The following MTA3 variants were observed in gnomAD, a reference collection of about 807,000 sequenced individuals.
MTA3 encodes metastasis associated 1 family member 3.
MTA3 carries 34 observed loss-of-function variants against 83.5 expected under a neutral mutation model. The observed-to-expected ratio is 0.41, with a 90% CI of 0.31 to 0.54. The LOEUF (loss-of-function observed/expected upper bound fraction) is 0.54, where lower values mean the gene tolerates loss of function less well. MTA3 is among the 20% of genes least tolerant of loss of function. MTA3 has a pLI of 0.33. For synonymous variants in MTA3, 303 were observed against 252.7 expected, an observed-to-expected ratio of 1.20 and a Z score of -1.89; for missense variants, 761 against 726.4, an observed-to-expected ratio of 1.05 and a Z score of -0.55.
intron 3 of MTA3, among the ~76,000 whole-genome samples, chr2:42,608,061 C>G (rs1398923410): frequency 1.3e-5 from 2 of 152,110 alleles, no homozygotes; most frequent in Non-Finnish European, 2.9e-5. Flanking sequence ...TGATTTTTGT[C>G]TTTGGTTAGG....
intron 4 of MTA3, among the ~76,000 whole-genome samples, chr2:42,639,034 C>G (rs1687453230): frequency 6.6e-6 from 1 of 150,974 alleles, no homozygotes; most frequent in Non-Finnish European, 1.5e-5. Context: ...GATCCAACAG[C>G]AAGCTTTTCT....
At chr2:42,574,428 C>G in intron 2 of MTA3, among the ~76,000 whole-genome samples, 1 of 148,360 alleles carries the variant, frequency 6.7e-6, no homozygotes, top group Non-Finnish European at 1.5e-5. Flanking sequence ...GCCCGGCCTC[C>G]TTTTCTCAAA....
chr2:42,562,711 G>A (rs1243734447), intron 2 of MTA3, among the ~76,000 whole-genome samples: 1 of 152,234 alleles, frequency 6.6e-6, no homozygotes, highest in Non-Finnish European at 1.5e-5. Flanking sequence ...CCTGGGGCCA[G>A]GGTTTGGCTT....
At chr2:42,697,549 A>T (rs991221225) in intron 10 of MTA3, among the ~76,000 whole-genome samples, 1 of 152,198 alleles carries the variant, frequency 6.6e-6, no homozygotes, top group African/African-American at 2.4e-5. Flanking sequence ...TTATTTTTTT[A>T]AACCTATGCC....
At chr2:42,639,564 C>G (rs996100955) in intron 4 of MTA3, among the ~76,000 whole-genome samples, 19 of 152,168 alleles carry the variant, frequency 1.2e-4, no homozygotes, top group African/African-American at 4.3e-4. Context: ...TAAGTGCTGT[C>G]AGACCTCAAG....
chr2:42,590,609 T>TTTGC (rs1680855626), intron 3 of MTA3, among the ~76,000 whole-genome samples: 1 of 139,240 alleles, frequency 7.2e-6, no homozygotes, highest in Non-Finnish European at 1.5e-5. Flanking sequence ...TTTTTTCATG[T>TTTGC]TTGCTTTTTT....
intron 2 of MTA3, among the ~76,000 whole-genome samples, chr2:42,497,356 G>A (rs1175245529): frequency 6.6e-6 from 1 of 152,084 alleles, no homozygotes; most frequent in Non-Finnish European, 1.5e-5. Flanking sequence ...GGAGGCCGAG[G>A]CAGGTGGATC....
Position 42,568,701 on chromosome 2 carries a change from CGGCGGGCGGGGCTCGGCTCGGGCTCCGCG to C in MTA3, c.-34_-6del, listed in dbSNP as rs1678084321. The C allele has an allele frequency of 9.2e-6, 11 of 1,197,872 alleles. No homozygotes were observed. In the East Asian group the frequency reaches 2.1e-4, roughly 23 times the overall value. The allele number at this position is 1,197,872 out of a possible 1,614,324, so 74.2% of individuals were successfully genotyped here. A position where few individuals can be genotyped will look rare whatever the true frequency, so the allele number is the denominator to read the frequency against. On this transcript the variant is annotated 5_prime_UTR_variant, in exon 1 of 17. Coordinates refer to ENST00000405094, the MANE Select transcript of MTA3 (RefSeq NM_001330442.2). ...GCTGAGGCTGAGGAGGAGGCGGCGG[CGGCGGGCGGGGCTCGGCTCGGGCTCCGCG>C]GGCGGGCGGGCGGACATGGCGGCCA... is the stretch of plus-strand genomic sequence containing the variant.
rs57722026 is a variant in MTA3, at chr2:42,591,634, T to TTTTTCTTTTC, written c.190+12438_190+12439insCTTTTCTTTT. ...ATCCTTATTCTATAAGCTTTTTTTC[T>TTTTTCTTTTC]TTTTATTTTATTTATTTTTTATTTT... On this transcript the variant is annotated intron_variant, in intron 3 of 16. Coordinates refer to ENST00000405094, the MANE Select transcript of MTA3 (RefSeq NM_001330442.2). 2.8e-3 allele frequency among the ~76,000 whole-genome samples: 421 copies of TTTTTCTTTTC among 150,208 alleles called. 3 individuals carry two copies. The highest frequency in any genetic ancestry group is 0.017 in the Middle Eastern group (5 of 294).
intron 9 of MTA3, among the ~76,000 whole-genome samples, chr2:42,692,500 C>G (rs1408272199): frequency 1.3e-5 from 2 of 151,520 alleles, no homozygotes; most frequent in Non-Finnish European, 2.9e-5. Context: ...TCTCGGCTCA[C>G]TGTAACCTCC....
chr2:42,548,865 T>TATATATA (rs1676921339), intron 2 of MTA3, among the ~76,000 whole-genome samples: 2 of 13,226 alleles, frequency 1.5e-4, no homozygotes, highest in African/African-American at 1.1e-3. Context: ...ATATAATATA[T>TATATATA]ATATATATAT....
intron 16 of MTA3, among the ~76,000 whole-genome samples, chr2:42,740,435 C>T (rs888465879): frequency 6.6e-6 from 1 of 152,078 alleles, no homozygotes; most frequent in African/African-American, 2.4e-5. Flanking sequence ...TCACTTGAGC[C>T]CAGGAGGTCG....
At chr2:42,646,110 A>G (rs924601808) in intron 6 of MTA3, among the ~76,000 whole-genome samples, 2 of 152,226 alleles carry the variant, frequency 1.3e-5, no homozygotes, top group Non-Finnish European at 2.9e-5. Context: ...AGCCTAAATG[A>G]CAGCACCTCT....
intron 6 of MTA3, among the ~76,000 whole-genome samples, chr2:42,644,759 T>C (rs1688016126): frequency 6.6e-6 from 1 of 152,160 alleles, no homozygotes; most frequent in East Asian, 1.9e-4. Flanking sequence ...TCAGTGATCT[T>C]AGAGGTAACT....
intron 2 of MTA3, among the ~76,000 whole-genome samples, chr2:42,518,023 T>C (rs34216221): frequency 0.011 from 1,613 of 151,510 alleles, 8 homozygotes; most frequent in Non-Finnish European, 0.016. Context: ...CCTCCTCTAC[T>C]AAAATACAAA....
At chr2:42,652,480 G>C (rs1049891239) in intron 6 of MTA3, among the ~76,000 whole-genome samples, 1 of 152,050 alleles carries the variant, frequency 6.6e-6, no homozygotes, top group Admixed American at 6.6e-5. Context: ...TATATTTTGA[G>C]GTGAAATATT....
intron 2 of MTA3, among the ~76,000 whole-genome samples, chr2:42,553,464 G>A (rs1019524782): frequency 1.4e-5 from 2 of 145,712 alleles, no homozygotes; most frequent in African/African-American, 2.6e-5. Flanking sequence ...GGCCAGACAC[G>A]GTGGCTCATA....
At position 42,754,203 on chromosome 2, in the gene MTA3, C is replaced by T. The variant is rs1351841158; in HGVS notation, c.*804C>T. The T allele has an allele frequency of 2.4e-5, 24 of 985,370 alleles. No individual in the cohort carries two copies. The highest frequency in any genetic ancestry group is 2.9e-5 in the Non-Finnish European group (24 of 829,992). 61.0% of individuals were successfully genotyped at this position (985,370 alleles called of 1,614,324 possible). On this transcript the variant is annotated 3_prime_UTR_variant, in exon 17 of 17. Transcript: ENST00000405094. ...ACTGTGACAAGCCGTTTGCTTACTG[C>T]CCTGTTCCCTTGCAGCCAAACCAGC...
chr2:42,693,939 T>C (rs944009699), intron 9 of MTA3, among the ~76,000 whole-genome samples: 1 of 151,478 alleles, frequency 6.6e-6, no homozygotes, highest in African/African-American at 2.4e-5. Flanking sequence ...TTGCTGCTGG[T>C]TACTCGGGGC....
Sources: allele counts gnomAD v4.1 joint callset (sites outside exome capture counted in the v4.1 genomes callset), GRCh38; gene constraint gnomAD v4.1.1; transcripts MANE v1.5; gene names NCBI Gene and HGNC (gene_info 2026-07-23, HGNC 2026-07-21).